USH2A: variants seen among roughly 807,000 people sequenced by gnomAD.
USH2A encodes usherin, also known as Usher syndrome 2A (autosomal recessive, mild).
In USH2A, 443 loss-of-function variants were observed where a neutral mutation model predicts 538.9. The observed-to-expected ratio is 0.82, with a 90% CI of 0.76 to 0.89. The LOEUF (loss-of-function observed/expected upper bound fraction) is 0.89. Among genes scored for constraint, USH2A ranks in the 40% least tolerant of loss-of-function variants. The pLI, the probability that USH2A is intolerant of heterozygous loss-of-function variation, is 0.00. For missense variants in USH2A, 6,633 were observed against 6,324.8 expected, an observed-to-expected ratio of 1.05 and a Z score of -1.65; for synonymous variants, 2,413 against 2,273.5, an observed-to-expected ratio of 1.06 and a Z score of -1.75.
At chr1:216,195,234 T>C (rs1443461275) in intron 19 of USH2A, among the ~76,000 whole-genome samples, 1 of 152,064 alleles carries the variant, frequency 6.6e-6, no homozygotes, top group Non-Finnish European at 1.5e-5. Flanking sequence ...TGTCTGAGAT[T>C]GGGTATAAGC....
At chr1:215,770,313 A>G (rs1229715178) in intron 55 of USH2A, among the ~76,000 whole-genome samples, 1 of 152,220 alleles carries the variant, frequency 6.6e-6, no homozygotes, top group Non-Finnish European at 1.5e-5. Flanking sequence ...CAGCATTTAG[A>G]AGACATAAAA....
chr1:216,377,846 A>AGAAAGAAAGAAG (rs2038858967), intron 3 of USH2A, among the ~76,000 whole-genome samples: 1 of 133,204 alleles, frequency 7.5e-6, no homozygotes, highest in East Asian at 2.1e-4. Flanking sequence ...AAAGAAAGAA[A>AGAAAGAAAGAAG]GAAAGAAAGA....
At chr1:216,245,422 G>T (rs1409127988) in intron 13 of USH2A, among the ~76,000 whole-genome samples, 1 of 150,540 alleles carries the variant, frequency 6.6e-6, no homozygotes, top group African/African-American at 2.5e-5. Flanking sequence ...AGGGGACATA[G>T]GGTGGCCATA....
intron 56 of USH2A, among the ~76,000 whole-genome samples, chr1:215,762,360 TG>T (rs1270169240): frequency 6.6e-6 from 1 of 152,202 alleles, no homozygotes; most frequent in East Asian, 1.9e-4. Context: ...GGCTATTGCT[TG>T]GTTTCTGATT....
chr1:216,417,096 C>T (rs371932352), intron 3 of USH2A, among the ~76,000 whole-genome samples: 10 of 152,102 alleles, frequency 6.6e-5, no homozygotes, highest in East Asian at 1.9e-4. Context: ...CAAGGCTTGA[C>T]GTCAGACATG....
intron 49 of USH2A, among the ~76,000 whole-genome samples, chr1:215,808,166 C>T (rs901634056): frequency 6.6e-6 from 1 of 152,132 alleles, no homozygotes; most frequent in Admixed American, 6.6e-5. Flanking sequence ...AAATAGTCAT[C>T]ACTGACTAAG....
chr1:215,934,724 G>C lies in USH2A; in HGVS notation c.7192C>G (p.Leu2398Val). ...YSGEETNLWV[L>V]IDGLVPFTNY... is the part of the protein sequence containing the mutation. ...GTAAAAGGAACCAGCCCATCGATGA[G>C]CACCCAAAGGTTTGTCTCTTCTCCG... is the stretch of plus-strand genomic sequence containing the variant. The change falls in exon 38 of 72, where the codon CTC (leucine) becomes GTC (valine). Residue 2398 changes from leucine to valine, a missense_variant. Leu to Val is a conservative substitution (Grantham distance 32, BLOSUM62 1). Transcript: ENST00000307340. The C allele has an allele frequency of 6.2e-7, 1 of 1,612,850 alleles. No individual in the cohort carries two copies. Among genetic ancestry groups the C allele is most frequent in the Non-Finnish European group, 8.5e-7 (1 of 1,179,178 alleles).
intron 21 of USH2A, among the ~76,000 whole-genome samples, chr1:216,155,438 T>C (rs921010619): frequency 2.0e-5 from 3 of 152,194 alleles, no homozygotes. Flanking sequence ...TTTTTTGAGA[T>C]GTTTTTCAAA....
At chr1:215,981,882 C>A (rs950180207) in intron 35 of USH2A, among the ~76,000 whole-genome samples, 2 of 152,202 alleles carry the variant, frequency 1.3e-5, no homozygotes, top group East Asian at 3.9e-4. Context: ...GAGCACTATG[C>A]TATTGACATA....
intron 43 of USH2A, among the ~76,000 whole-genome samples, chr1:215,872,798 C>T (rs977415549): frequency 6.6e-6 from 1 of 151,734 alleles, no homozygotes; most frequent in Non-Finnish European, 1.5e-5. Context: ...GTGAGTGAGC[C>T]CTCACAATAT....
intron 67 of USH2A, among the ~76,000 whole-genome samples, chr1:215,645,128 A>G (rs1419457294): frequency 7.9e-5 from 12 of 152,168 alleles, no homozygotes; most frequent in East Asian, 1.9e-4. Context: ...CTTTTCCTGG[A>G]AAATTACAAG....
chr1:216,197,739 A>T (rs1304818076), intron 18 of USH2A, among the ~76,000 whole-genome samples: 1 of 152,172 alleles, frequency 6.6e-6, no homozygotes, highest in Admixed American at 6.6e-5. Flanking sequence ...AGGATTAAAA[A>T]TTTTTGCCTT....
chr1:215,721,585 T>G (rs564756929), intron 61 of USH2A, among the ~76,000 whole-genome samples: 2 of 152,108 alleles, frequency 1.3e-5, no homozygotes, highest in Admixed American at 1.3e-4. Context: ...TTCAAAAGAC[T>G]TACATGGTTT....
chr1:215,774,756 C>T (rs12077188), intron 55 of USH2A, among the ~76,000 whole-genome samples: 2 of 151,686 alleles, frequency 1.3e-5, no homozygotes, highest in Admixed American at 6.6e-5. Flanking sequence ...TAGTATCTGG[C>T]AAAGTACATT....
At chr1:216,395,170 C>G (rs1194015834) in intron 3 of USH2A, among the ~76,000 whole-genome samples, 1 of 152,084 alleles carries the variant, frequency 6.6e-6, no homozygotes, top group Non-Finnish European at 1.5e-5. Flanking sequence ...AATTATTTTT[C>G]TATCTTAAGC....
At chr1:216,132,454 A>G (rs2033395608) in intron 21 of USH2A, among the ~76,000 whole-genome samples, 1 of 151,868 alleles carries the variant, frequency 6.6e-6, no homozygotes, top group Non-Finnish European at 1.5e-5. Flanking sequence ...GTTTGGGGAG[A>G]TGAGAATCAT....
At chr1:216,221,371 TTAACAGAGGAGCTGTGG>T (rs1192312235) in intron 14 of USH2A, among the ~76,000 whole-genome samples, 1 of 152,162 alleles carries the variant, frequency 6.6e-6, no homozygotes, top group East Asian at 1.9e-4. Context: ...TTTTCCCCGA[TTAACAGAGGAGCTGTGG>T]TTTCATTGAG....
At chr1:216,054,570 G>A (rs2030909200) in intron 30 of USH2A, among the ~76,000 whole-genome samples, 1 of 151,992 alleles carries the variant, frequency 6.6e-6, no homozygotes, top group Admixed American at 6.6e-5. Flanking sequence ...AAGACACAAA[G>A]CAAAATGGAT....
At chr1:215,668,570 G>A (rs1242534512) in intron 64 of USH2A, among the ~76,000 whole-genome samples, 1 of 152,172 alleles carries the variant, frequency 6.6e-6, no homozygotes, top group Non-Finnish European at 1.5e-5. Context: ...GAGGAGGAGT[G>A]TAACACAGAG....
Sources: allele counts gnomAD v4.1 joint callset (sites outside exome capture counted in the v4.1 genomes callset), GRCh38; gene constraint gnomAD v4.1.1; transcripts MANE v1.5; gene names NCBI Gene and HGNC (gene_info 2026-07-23, HGNC 2026-07-21).